GRID2: variants seen among roughly 807,000 people sequenced by gnomAD.
GRID2 encodes glutamate ionotropic receptor delta type subunit 2.
Under a neutral mutation model 114.8 loss-of-function variants are expected in GRID2, and 33 were observed. That is an observed-to-expected ratio of 0.29 (90% confidence interval 0.22 to 0.38). The LOEUF (loss-of-function observed/expected upper bound fraction) is 0.38. Ranked by LOEUF, GRID2 falls within the 10% of genes least tolerant of loss-of-function variation. The probability of loss-of-function intolerance (pLI) is 1.00; values close to 1 mark genes in which losing one functional copy is unlikely to be tolerated. For missense variants in GRID2, 1,184 were observed against 1,257.7 expected, an observed-to-expected ratio of 0.94 and a Z score of 0.89; for synonymous variants, 505 against 449.9, an observed-to-expected ratio of 1.12 and a Z score of -1.55.
At chr4:92,457,072 G>C (rs1386577636) in intron 1 of GRID2, among the ~76,000 whole-genome samples, 1 of 152,042 alleles carries the variant, frequency 6.6e-6, no homozygotes, top group Non-Finnish European at 1.5e-5. Flanking sequence ...TCTTGTTATA[G>C]TTTCTAGATA....
chr4:93,348,781 A>G (rs1188726538), intron 8 of GRID2, among the ~76,000 whole-genome samples: 2 of 152,178 alleles, frequency 1.3e-5, no homozygotes, highest in African/African-American at 4.8e-5. Flanking sequence ...CGTAGAGGGA[A>G]AACAATCAAA....
chr4:92,539,471 C>T (rs968455371), intron 1 of GRID2, among the ~76,000 whole-genome samples: 1 of 151,996 alleles, frequency 6.6e-6, no homozygotes, highest in Non-Finnish European at 1.5e-5. Flanking sequence ...ATAGGTAATT[C>T]ATTTCAAATA....
intron 14 of GRID2, among the ~76,000 whole-genome samples, chr4:93,732,442 C>A (rs1456744581): frequency 1.3e-5 from 2 of 152,184 alleles, no homozygotes; most frequent in Non-Finnish European, 2.9e-5. Context: ...TACAACTCAG[C>A]AGGTTTATGC....
In GRID2 at chr4:93,041,378, C is replaced by A. The variant is rs559761793; in HGVS notation, c.245-43617C>A. ...ATGGCGAACTTCTCACATTTTTTGACTGGCATATTCCTTCTTTAAACTTGT... is the reference window on the plus strand; with the variant it reads ...ATGGCGAACTTCTCACATTTTTTGAATGGCATATTCCTTCTTTAAACTTGT... On this transcript the variant is annotated intron_variant, in intron 2 of 15. Transcript: ENST00000282020. Among the ~76,000 whole-genome samples, 146 of 152,274 alleles carry A rather than the reference C, an allele frequency of 9.6e-4. 1 individual carries two copies. Among genetic ancestry groups the A allele is most frequent in the African/African-American group, 3.2e-3 (132 of 41,566 alleles).
chr4:92,377,677 G>A (rs1228994776), intron 1 of GRID2, among the ~76,000 whole-genome samples: 3 of 152,102 alleles, frequency 2.0e-5, no homozygotes, highest in Admixed American at 1.3e-4. Context: ...CCACATGGTT[G>A]GGGAGGCCTC....
chr4:93,279,212 C>CTA (rs1481959274), intron 8 of GRID2, among the ~76,000 whole-genome samples: 1 of 151,346 alleles, frequency 6.6e-6, no homozygotes. Flanking sequence ...AGTTCCAATA[C>CTA]TATATATATA....
intron 2 of GRID2, among the ~76,000 whole-genome samples, chr4:92,660,460 A>C (rs1479039064): frequency 6.6e-6 from 1 of 151,296 alleles, no homozygotes; most frequent in Non-Finnish European, 1.5e-5. Flanking sequence ...AAAAGTGCAA[A>C]GAAATGATAC....
intron 8 of GRID2, among the ~76,000 whole-genome samples, chr4:93,376,362 C>A (rs1763381130): frequency 6.6e-6 from 1 of 151,568 alleles, no homozygotes. Context: ...CTAGATTTAC[C>A]AATTTGCAAA....
At chr4:93,249,504 G>A (rs949738551) in intron 8 of GRID2, among the ~76,000 whole-genome samples, 4 of 152,152 alleles carry the variant, frequency 2.6e-5, no homozygotes, top group African/African-American at 9.7e-5. Flanking sequence ...TCCTATCCAT[G>A]AGCATGGAAT....
At chr4:92,395,167 A>G (rs1364086978) in intron 1 of GRID2, among the ~76,000 whole-genome samples, 1 of 151,732 alleles carries the variant, frequency 6.6e-6, no homozygotes, top group East Asian at 1.9e-4. Context: ...TAGCTTAAAT[A>G]CCCACATATT....
intron 10 of GRID2, among the ~76,000 whole-genome samples, chr4:93,429,054 A>G (rs1450710514): frequency 2.6e-5 from 4 of 152,214 alleles, no homozygotes; most frequent in African/African-American, 4.8e-5. Flanking sequence ...GGAATTGCCA[A>G]AAAGTTGCTG....
chr4:92,419,314 C>T (rs1263963888), intron 1 of GRID2, among the ~76,000 whole-genome samples: 1 of 152,062 alleles, frequency 6.6e-6, no homozygotes, highest in Non-Finnish European at 1.5e-5. Flanking sequence ...TTACATGTAG[C>T]TCAGGAAATG....
rs539531683 is a variant in GRID2 at position 93,489,683 on chromosome 4, T to C, written c.1859-956T>C. On this transcript the variant is annotated intron_variant, in intron 11 of 15. Transcript: ENST00000282020. Reference sequence around the variant, plus strand: ...ATGAGGTAGGATTTGGGATGTAATTTGAATGTAATGGTGACAGGACTTGCT... The same window carrying C: ...ATGAGGTAGGATTTGGGATGTAATTCGAATGTAATGGTGACAGGACTTGCT... Among the ~76,000 whole-genome samples, 51 of 152,044 alleles carry C rather than the reference T, an allele frequency of 3.4e-4. 1 individual carries two copies. The highest frequency in any genetic ancestry group is 8.5e-4 in the Admixed American group (13 of 15,246).
Position 92,384,158 on chromosome 4 carries a change from T to C in GRID2, c.88+79414T>C, listed in dbSNP as rs960912293. Among the ~76,000 whole-genome samples, 5 of 151,168 alleles carry C rather than the reference T, an allele frequency of 3.3e-5. No homozygotes were observed. The Admixed American group carries it at 3.3e-4, about 10-fold the overall frequency. On this transcript the variant is annotated intron_variant, in intron 1 of 15. Coordinates refer to ENST00000282020, the MANE Select transcript of GRID2 (RefSeq NM_001510.4). ...GTGTATGTGTGGGTGTGTGTGTGTC[T>C]GCGTGTGAAGTGGCTGTCAAGTTGC...
intron 1 of GRID2, among the ~76,000 whole-genome samples, chr4:92,359,468 G>A (rs1728506651): frequency 6.6e-6 from 1 of 151,768 alleles, no homozygotes; most frequent in Non-Finnish European, 1.5e-5. Context: ...TAATTTATAG[G>A]GCTGAGTTTA....
At chr4:93,390,212 T>C (rs1301473644) in intron 8 of GRID2, among the ~76,000 whole-genome samples, 1 of 152,198 alleles carries the variant, frequency 6.6e-6, no homozygotes, top group Non-Finnish European at 1.5e-5. Flanking sequence ...GTCCTGGGGT[T>C]TGGATGGAGC....
chr4:93,606,002 C>T (rs1244017441), intron 13 of GRID2, among the ~76,000 whole-genome samples: 1 of 152,110 alleles, frequency 6.6e-6, no homozygotes, highest in Admixed American at 6.5e-5. Context: ...CATGGTGGCT[C>T]ACGCCTGTAA....
At chr4:93,782,982 AT>A (rs1282084018) in intron 1 of GRID2, among the ~76,000 whole-genome samples, 2 of 152,180 alleles carry the variant, frequency 1.3e-5, no homozygotes, top group Non-Finnish European at 1.5e-5. Flanking sequence ...GTTGCCCTAA[AT>A]ATCAACACAA....
At chr4:92,701,762 A>T (rs1734686128) in intron 2 of GRID2, among the ~76,000 whole-genome samples, 1 of 152,148 alleles carries the variant, frequency 6.6e-6, no homozygotes, top group Non-Finnish European at 1.5e-5. Flanking sequence ...CTTTTGGCAT[A>T]TGATTTCTGA....
Sources: allele counts gnomAD v4.1 joint callset (sites outside exome capture counted in the v4.1 genomes callset), GRCh38; gene constraint gnomAD v4.1.1; transcripts MANE v1.5; gene names NCBI Gene and HGNC (gene_info 2026-07-23, HGNC 2026-07-21).